ELOVL7: variants seen among roughly 807,000 people sequenced by gnomAD.
ELOVL7 encodes very long chain fatty acid elongase 7.
ELOVL7 carries 27 observed loss-of-function variants against 35.7 expected under a neutral mutation model. That is an observed-to-expected ratio of 0.76 (90% confidence interval 0.56 to 1.04). The LOEUF is 1.04. Among genes scored for constraint, ELOVL7 ranks in the 50% least tolerant of loss-of-function variants. The pLI, the probability that ELOVL7 is intolerant of heterozygous loss-of-function variation, is 0.00. For synonymous variants in ELOVL7, 113 were observed against 114.6 expected (o/e 0.99, Z 0.09); for missense variants, 327 against 340.8 (o/e 0.96, Z 0.32).
chr5:60,767,067 A>G (rs557349723), intron 5 of ELOVL7, among the ~76,000 whole-genome samples: 6 of 152,226 alleles, frequency 3.9e-5, no homozygotes, highest in African/African-American at 1.2e-4. Flanking sequence ...ATTCCATTCT[A>G]TACATATGCC....
intron 7 of ELOVL7, among the ~76,000 whole-genome samples, chr5:60,759,118 T>A (rs910016599): frequency 1.3e-4 from 20 of 152,222 alleles, no homozygotes; most frequent in African/African-American, 4.6e-4. Context: ...TGAAGTACTC[T>A]GTTAAAATAA....
intron 3 of ELOVL7, among the ~76,000 whole-genome samples, chr5:60,778,127 C>T (rs980526959): frequency 2.5e-4 from 38 of 152,170 alleles, no homozygotes; most frequent in African/African-American, 8.9e-4. Flanking sequence ...CTATTGGTTC[C>T]CCTCCTTGCT....
chr5:60,815,159 C>T (rs1161027631), intron 1 of ELOVL7, among the ~76,000 whole-genome samples: 1 of 152,190 alleles, frequency 6.6e-6, no homozygotes. Flanking sequence ...CTTTCTGTAA[C>T]AAGTGTGATT....
At chr5:60,813,460 A>G (rs1034705671) in intron 1 of ELOVL7, among the ~76,000 whole-genome samples, 2 of 151,990 alleles carry the variant, frequency 1.3e-5, no homozygotes, top group Non-Finnish European at 2.9e-5. Flanking sequence ...CCCTTTCCCT[A>G]TTCTAAATTA....
At chr5:60,839,298 G>A (rs1747021473) in intron 1 of ELOVL7, among the ~76,000 whole-genome samples, 1 of 151,946 alleles carries the variant, frequency 6.6e-6, no homozygotes, top group South Asian at 2.1e-4. Context: ...AGTGAGGCAA[G>A]ATCGCACAAC....
At position 60,753,272 on chromosome 5, in the gene ELOVL7, TACTG is replaced by T. The variant is rs1018401928; in HGVS notation, c.*1348_*1351del. 2.0e-5 allele frequency: 3 copies of T among 152,236 alleles called. No individual in the cohort carries two copies. The highest frequency in any genetic ancestry group is 1.5e-5 in the Non-Finnish European group (1 of 68,002). The allele number at this position is 152,236 out of a possible 1,614,324, so 9.4% of individuals were successfully genotyped here. A position where few individuals can be genotyped will look rare whatever the true frequency, so the allele number is the denominator to read the frequency against. On this transcript the variant is annotated 3_prime_UTR_variant, in exon 9 of 9. Coordinates refer to ENST00000508821, the MANE Select transcript of ELOVL7 (RefSeq NM_024930.3). ...AAATATTATTTCATGGACAAAACTC[TACTG>T]ACTAATAGTTTTGATTCTCTGACAA...
chr5:60,833,913 C>T (rs1388547018), intron 1 of ELOVL7, among the ~76,000 whole-genome samples: 1 of 152,038 alleles, frequency 6.6e-6, no homozygotes, highest in Non-Finnish European at 1.5e-5. Flanking sequence ...TAAGTTTGGC[C>T]TTTTTTCATC....
chr5:60,757,746 GA>G, intron 7 of ELOVL7, 101 bp from the exon 8 acceptor site: 7 of 1,006,190 alleles, frequency 7.0e-6, no homozygotes, highest in Non-Finnish European at 9.7e-6. Flanking sequence ...TTGCATTTTG[GA>G]AAAAAATATA....
At chr5:60,768,793 G>T in intron 4 of ELOVL7, 1 of 403,830 alleles carries the variant, frequency 2.5e-6, no homozygotes, top group Non-Finnish European at 4.8e-6. Flanking sequence ...TCTCATACAT[G>T]CCAAATACCC....
At chr5:60,816,435 T>C (rs988807833) in intron 1 of ELOVL7, among the ~76,000 whole-genome samples, 1 of 150,956 alleles carries the variant, frequency 6.6e-6, no homozygotes, top group African/African-American at 2.4e-5. Context: ...AAGCACTACA[T>C]AGTCTAAAGA....
chr5:60,788,012 GA>G (rs778426644), intron 2 of ELOVL7, among the ~76,000 whole-genome samples: 13 of 152,118 alleles, frequency 8.5e-5, no homozygotes, highest in Non-Finnish European at 1.5e-4. Context: ...AAAGAAATCT[GA>G]AAAAGAAGAC....
At chr5:60,768,185 C>T (rs767300090) in intron 4 of ELOVL7, among the ~76,000 whole-genome samples, 3 of 152,172 alleles carry the variant, frequency 2.0e-5, no homozygotes, top group Non-Finnish European at 2.9e-5. Flanking sequence ...GAATAAAACA[C>T]TTGGAGTGTT....
At chr5:60,772,939 C>T (rs1742686728) in intron 3 of ELOVL7, among the ~76,000 whole-genome samples, 1 of 152,156 alleles carries the variant, frequency 6.6e-6, no homozygotes, top group African/African-American at 2.4e-5. Context: ...ATCACAGGAT[C>T]ACAGAATAGA....
chr5:60,830,886 A>T (rs1179419265), intron 1 of ELOVL7, among the ~76,000 whole-genome samples: 1 of 152,170 alleles, frequency 6.6e-6, no homozygotes, highest in Non-Finnish European at 1.5e-5. Context: ...AGAATTGATT[A>T]TGGGAATACA....
intron 1 of ELOVL7, among the ~76,000 whole-genome samples, chr5:60,817,045 G>A (rs1163090414): frequency 6.6e-6 from 1 of 151,960 alleles, no homozygotes; most frequent in Non-Finnish European, 1.5e-5. Flanking sequence ...CTGGAATGAG[G>A]CAGGATTTTC....
intron 7 of ELOVL7, among the ~76,000 whole-genome samples, chr5:60,758,784 A>C (rs368896601): frequency 6.6e-6 from 1 of 152,180 alleles, no homozygotes; most frequent in East Asian, 1.9e-4. Flanking sequence ...AATCTGGAAG[A>C]ATATGTGTTC....
intron 4 of ELOVL7, among the ~76,000 whole-genome samples, chr5:60,770,243 G>A (rs569896309): frequency 9.9e-4 from 151 of 152,242 alleles, no homozygotes; most frequent in Non-Finnish European, 1.8e-3. Context: ...GCTGACTGGC[G>A]ATGACTGGAT....
At chr5:60,817,490 G>A (rs2112338605) in intron 1 of ELOVL7, among the ~76,000 whole-genome samples, 1 of 151,046 alleles carries the variant, frequency 6.6e-6, no homozygotes, top group East Asian at 1.9e-4. Context: ...CATTGCTGAT[G>A]GGAATGTGAA....
chr5:60,770,525 C>A (rs559029330), intron 4 of ELOVL7, among the ~76,000 whole-genome samples: 15 of 152,298 alleles, frequency 9.8e-5, no homozygotes, highest in Middle Eastern at 3.4e-3. Context: ...TCCCCTAAGA[C>A]CATGCTAGGA....
Sources: allele counts gnomAD v4.1 joint callset (sites outside exome capture counted in the v4.1 genomes callset), GRCh38; gene constraint gnomAD v4.1.1; transcripts MANE v1.5; gene names NCBI Gene and HGNC (gene_info 2026-07-23, HGNC 2026-07-21).